TBC1D22A: variants seen among roughly 807,000 people sequenced by gnomAD.
TBC1D22A encodes the protein TBC1 domain family member 22A, also known as putative GTPase activator.
In TBC1D22A, 38 loss-of-function variants were observed where a neutral mutation model predicts 60.2. The ratio of observed to expected loss-of-function variants is 0.63; its 90% CI spans 0.49 to 0.83. The LOEUF (loss-of-function observed/expected upper bound fraction) is 0.83. TBC1D22A is among the 40% of genes least tolerant of loss of function. The probability of loss-of-function intolerance (pLI) is 0.00; values close to 1 mark genes in which losing one functional copy is unlikely to be tolerated. For missense variants in TBC1D22A, 628 were observed against 701.0 expected (o/e 0.90, Z 1.18); for synonymous variants, 302 against 281.7 (o/e 1.07, Z -0.72).
intron 11 of TBC1D22A, among the ~76,000 whole-genome samples, chr22:47,080,330 C>T (rs1268884789): frequency 6.6e-6 from 1 of 152,192 alleles, no homozygotes; most frequent in Non-Finnish European, 1.5e-5. Context: ...CAACAACATT[C>T]TTTGCAAGTA....
At chr22:47,125,008 G>T (rs1192210227) in intron 12 of TBC1D22A, among the ~76,000 whole-genome samples, 1 of 152,076 alleles carries the variant, frequency 6.6e-6, no homozygotes, top group African/African-American at 2.4e-5. Context: ...GCAGGGGCTT[G>T]CAGAGGGTGG....
At chr22:46,798,439 G>A (rs1175301383) in intron 4 of TBC1D22A, among the ~76,000 whole-genome samples, 2 of 152,246 alleles carry the variant, frequency 1.3e-5, no homozygotes, top group African/African-American at 4.8e-5. Context: ...GGCCCACAGG[G>A]CAGAGCACAG....
At chr22:47,116,560 A>T (rs1601563583) in intron 12 of TBC1D22A, 1 of 152,022 alleles carries the variant, frequency 6.6e-6, no homozygotes, top group African/African-American at 2.4e-5. Flanking sequence ...CCAGAGCGGC[A>T]TCGTGGAAGG....
intron 7 of TBC1D22A, among the ~76,000 whole-genome samples, chr22:46,897,640 G>GTTTTTTTGTTTTTT (rs1569189469): frequency 4.6e-5 from 5 of 108,402 alleles, no homozygotes; most frequent in African/African-American, 2.1e-4. Flanking sequence ...GTTTCGTTTT[G>GTTTTTTTGTTTTTT]TTTTTTTTTG....
chr22:46,945,798 A>G (rs540856558), intron 8 of TBC1D22A, among the ~76,000 whole-genome samples: 53 of 152,322 alleles, frequency 3.5e-4, no homozygotes, highest in African/African-American at 1.2e-3. Flanking sequence ...ATCCTTCTGT[A>G]GAGGCGGGTC....
At chr22:46,988,783 G>C (rs920041657) in intron 9 of TBC1D22A, among the ~76,000 whole-genome samples, 2 of 152,168 alleles carry the variant, frequency 1.3e-5, no homozygotes, top group African/African-American at 4.8e-5. Context: ...AATGAGCCTT[G>C]GCTTTAACTT....
intron 4 of TBC1D22A, among the ~76,000 whole-genome samples, chr22:46,838,894 G>T (rs1008985775): frequency 6.6e-6 from 1 of 152,114 alleles, no homozygotes; most frequent in African/African-American, 2.4e-5. Context: ...GGTATAGAAG[G>T]AATGTACATC....
At chr22:46,867,583 G>A (rs183582879) in intron 4 of TBC1D22A, among the ~76,000 whole-genome samples, 1 of 152,338 alleles carries the variant, frequency 6.6e-6, no homozygotes, top group Admixed American at 6.5e-5. Flanking sequence ...ATCGATAAAT[G>A]CATTACCAGT....
chr22:47,046,295 T>G (rs1205272996), intron 11 of TBC1D22A, among the ~76,000 whole-genome samples: 2 of 152,166 alleles, frequency 1.3e-5, no homozygotes, highest in Non-Finnish European at 1.5e-5. Context: ...CAGGCTTCCC[T>G]CTGAGATGTG....
intron 1 of TBC1D22A, among the ~76,000 whole-genome samples, chr22:46,779,545 C>T (rs371000490): frequency 9.9e-5 from 15 of 152,160 alleles, no homozygotes; most frequent in African/African-American, 3.6e-4. Context: ...AGACGTGAGC[C>T]ACAGCGCCTG....
intron 11 of TBC1D22A, among the ~76,000 whole-genome samples, chr22:47,039,083 C>T (rs190587510): frequency 2.9e-4 from 44 of 152,336 alleles, no homozygotes; most frequent in Non-Finnish European, 2.5e-4. Context: ...TTAAGTCAAT[C>T]GCATTTTTGA....
rs150263016 is a variant in TBC1D22A, at chr22:46,960,160, C to G, written c.1016-14130C>G. Among the ~76,000 whole-genome samples the G allele has an allele frequency of 4.6e-3, 698 of 152,296 alleles. 6 individuals are homozygous for G. Among genetic ancestry groups the G allele is most frequent in the African/African-American group, 0.016 (661 of 41,548 alleles). ...ATTTAACTAAGTGCTTCTTACCTGC[C>G]TCCAACAGGAATGTTGTTATTAGTG... is the stretch of plus-strand genomic sequence containing the variant. On this transcript the variant is annotated intron_variant, in intron 8 of 12. Transcript: ENST00000337137.
chr22:47,141,389 G>A (rs762212696), intron 12 of TBC1D22A, among the ~76,000 whole-genome samples: 21 of 152,154 alleles, frequency 1.4e-4, no homozygotes, highest in South Asian at 4.1e-4. Context: ...GGTTCCCATC[G>A]GTAGTCCTGA....
intron 10 of TBC1D22A, among the ~76,000 whole-genome samples, chr22:47,020,004 A>G (rs184906100): frequency 7.5e-6 from 1 of 133,282 alleles, no homozygotes; most frequent in East Asian, 2.3e-4. Context: ...CTCTCCCTTA[A>G]CCCTCCATCC....
chr22:47,003,074 C>T (rs1408364114), intron 10 of TBC1D22A, among the ~76,000 whole-genome samples: 2 of 152,132 alleles, frequency 1.3e-5, no homozygotes, highest in African/African-American at 2.4e-5. Flanking sequence ...CCCACGGAAC[C>T]TCCAAGGGCT....
rs533090179 is a variant in TBC1D22A at position 46,896,534 on chromosome 22, T to A, written c.900+1688T>A. Among the ~76,000 whole-genome samples the A allele has an allele frequency of 9.8e-4, 149 of 152,118 alleles. 1 individual carries two copies. Among genetic ancestry groups the A allele is most frequent in the African/African-American group, 3.5e-3 (145 of 41,500 alleles). On this transcript the variant is annotated intron_variant, in intron 7 of 12. Coordinates refer to ENST00000337137, the MANE Select transcript of TBC1D22A (RefSeq NM_014346.5). The stretch of plus-strand genomic sequence containing the variant: ...GGCCATGTGTGATGGGAGGCAGGAG[T>A]CTGTTTAATTTCCTCCTGGGACAGT...
chr22:46,991,041 GA>G (rs772964868), intron 9 of TBC1D22A, among the ~76,000 whole-genome samples: 1 of 152,202 alleles, frequency 6.6e-6, no homozygotes, highest in Non-Finnish European at 1.5e-5. Flanking sequence ...GGAAGGTGCG[GA>G]ATTAGGGGGA....
intron 4 of TBC1D22A, among the ~76,000 whole-genome samples, chr22:46,798,513 C>T (rs1211325750): frequency 6.6e-6 from 1 of 152,242 alleles, no homozygotes; most frequent in Non-Finnish European, 1.5e-5. Context: ...TGTGGACTGC[C>T]GTGGCCAGGC....
intron 8 of TBC1D22A, among the ~76,000 whole-genome samples, chr22:46,928,797 T>TA (rs2071189226): frequency 6.6e-6 from 1 of 152,046 alleles, no homozygotes; most frequent in South Asian, 2.1e-4. Context: ...GAGCAATAAA[T>TA]AAAAGATGGC....
Sources: allele counts gnomAD v4.1 joint callset (sites outside exome capture counted in the v4.1 genomes callset), GRCh38; gene constraint gnomAD v4.1.1; transcripts MANE v1.5; gene names NCBI Gene and HGNC (gene_info 2026-07-23, HGNC 2026-07-21).